HMGN3: variants seen among roughly 807,000 people sequenced by gnomAD.
HMGN3 encodes high mobility group nucleosome-binding domain-containing protein 3.
HMGN3 carries 6 observed loss-of-function variants against 18.8 expected under a neutral mutation model. The ratio of observed to expected loss-of-function variants is 0.32; its 90% CI spans 0.18 to 0.63. The LOEUF is 0.63. Ranked by LOEUF, HMGN3 falls within the 30% of genes least tolerant of loss-of-function variation. The pLI, the probability that HMGN3 is intolerant of heterozygous loss-of-function variation, is 0.79. For synonymous variants in HMGN3, 40 were observed against 36.5 expected, an observed-to-expected ratio of 1.10 and a Z score of -0.35; for missense variants, 107 against 114.2, an observed-to-expected ratio of 0.94 and a Z score of 0.29.
rs117215160 is a variant in HMGN3, at chr6:79,234,529, T to A, written c.15+17A>T. On this transcript the variant is annotated intron_variant, in intron 1 of 5. Coordinates refer to ENST00000344726, the Ensembl canonical transcript of HMGN3. ...AGAATTTGAAGGCTTTTGAAATCTT[T>A]TTTTGGTAAGACTTACCTTTCTCTT... 6.2e-7 allele frequency: 1 copy of A among 1,610,654 alleles called. No individual in the cohort carries two copies.
chr6:79,204,353 C>G (rs1776296191), intron 3 of HMGN3, among the ~76,000 whole-genome samples: 1 of 152,114 alleles, frequency 6.6e-6, no homozygotes, highest in Non-Finnish European at 1.5e-5. Flanking sequence ...TTTCTCTTGC[C>G]TCATGTGGTC....
intron 1 of HMGN3, among the ~76,000 whole-genome samples, chr6:79,219,063 A>G (rs141678651): frequency 1.9e-4 from 29 of 152,298 alleles, no homozygotes; most frequent in African/African-American, 6.3e-4. Context: ...GAAGGCAAAG[A>G]CATAATGACT....
chr6:79,219,002 T>C (rs191600630), intron 1 of HMGN3, among the ~76,000 whole-genome samples: 109 of 152,156 alleles, frequency 7.2e-4, no homozygotes, highest in African/African-American at 2.6e-3. Flanking sequence ...ATTGAGAAGC[T>C]CCACAACTAT....
chr6:79,220,797 T>C (rs1777244576), intron 1 of HMGN3, among the ~76,000 whole-genome samples: 1 of 152,168 alleles, frequency 6.6e-6, no homozygotes, highest in Non-Finnish European at 1.5e-5. Context: ...GATGGATGGA[T>C]GGATGTGTCA....
intron 3 of HMGN3, among the ~76,000 whole-genome samples, chr6:79,206,883 A>AT (rs1440549763): frequency 6.6e-6 from 1 of 152,250 alleles, no homozygotes; most frequent in Non-Finnish European, 1.5e-5. Flanking sequence ...CACGTCCTGC[A>AT]TCAGCGTGAC....
In HMGN3 at chr6:79,229,415, G is replaced by T. The variant is rs557392075; in HGVS notation, c.15+5131C>A. On this transcript the variant is annotated intron_variant, in intron 1 of 5. Transcript: ENST00000344726. ...ACATTTCACATATGATACACATTATGCTAGTAAACACGTGAAAAGATGCTT... is the reference window on the plus strand; with the variant it reads ...ACATTTCACATATGATACACATTATTCTAGTAAACACGTGAAAAGATGCTT... Among the ~76,000 whole-genome samples, 6 of 152,250 alleles carry T rather than the reference G, an allele frequency of 3.9e-5. No homozygotes were observed. The South Asian group carries it at 1.2e-3, about 32-fold the overall frequency.
In HMGN3 at chr6:79,218,219, G is replaced by A. The variant is rs116100060; in HGVS notation, c.16-3197C>T. Among the ~76,000 whole-genome samples, 453 of 152,276 alleles carry A rather than the reference G, an allele frequency of 3.0e-3. 1 individual carries two copies. The highest frequency in any genetic ancestry group is 0.01 in the Middle Eastern group (3 of 294). ...GGCACACCCCAAGAAGGAAAACAAT[G>A]GGGAGTGGGGAGGGAAGGAATGCTT... is the stretch of plus-strand genomic sequence containing the variant. On this transcript the variant is annotated intron_variant, in intron 1 of 5. Transcript: ENST00000344726.
chr6:79,220,510 G>A (rs1777221688), intron 1 of HMGN3, among the ~76,000 whole-genome samples: 1 of 152,148 alleles, frequency 6.6e-6, no homozygotes, highest in Non-Finnish European at 1.5e-5. Context: ...GCAATGGCGC[G>A]ATCTCGGCTC....
intron 1 of HMGN3, among the ~76,000 whole-genome samples, chr6:79,215,685 A>T (rs1248049697): frequency 6.6e-6 from 1 of 152,182 alleles, no homozygotes; most frequent in African/African-American, 2.4e-5. Flanking sequence ...CTCAAACCTG[A>T]TTCCTTTAAA....
intron 3 of HMGN3, among the ~76,000 whole-genome samples, chr6:79,206,282 C>G (rs559466107): frequency 1.2e-4 from 19 of 152,274 alleles, no homozygotes; most frequent in African/African-American, 4.6e-4. Context: ...CGTGACAGAC[C>G]TTTGCAGCAG....
intron 3 of HMGN3, 71 bp from the exon 4 acceptor site, chr6:79,203,701 A>G (rs1157590333): frequency 8.5e-7 from 1 of 1,174,214 alleles, no homozygotes; most frequent in East Asian, 2.4e-5. Flanking sequence ...AGAAACACAA[A>G]AGGACTAACA....
At chr6:79,222,416 C>A (rs755533173) in intron 1 of HMGN3, among the ~76,000 whole-genome samples, 14 of 151,944 alleles carry the variant, frequency 9.2e-5, no homozygotes, top group Non-Finnish European at 1.6e-4. Flanking sequence ...CGCTCTTCAG[C>A]TAAAATGAAC....
intron 1 of HMGN3, among the ~76,000 whole-genome samples, chr6:79,220,507 C>T (rs938368497): frequency 9.2e-5 from 14 of 152,140 alleles, no homozygotes; most frequent in South Asian, 2.1e-4. Flanking sequence ...AGTGCAATGG[C>T]GCGATCTCGG....
intron 1 of HMGN3, among the ~76,000 whole-genome samples, chr6:79,227,237 T>C (rs1777605332): frequency 6.6e-6 from 1 of 152,212 alleles, no homozygotes; most frequent in African/African-American, 2.4e-5. Flanking sequence ...AATTTTAACA[T>C]TATATGAAGA....
chr6:79,205,967 A>G (rs1487471369), intron 3 of HMGN3, among the ~76,000 whole-genome samples: 11 of 152,306 alleles, frequency 7.2e-5, no homozygotes, highest in Admixed American at 5.2e-4. Context: ...GACTGGCAAC[A>G]TTTTGCCCCT....
At position 79,230,876 on chromosome 6, in the gene HMGN3, A is replaced by T. The variant is rs190950197; in HGVS notation, c.15+3670T>A. Among the ~76,000 whole-genome samples the T allele has an allele frequency of 1.1e-4, 16 of 152,278 alleles. No homozygotes were observed. In the East Asian group the frequency reaches 2.9e-3, roughly 28 times the overall value. Reference sequence around the variant, plus strand: ...TGTTTTTGGTGTTATGACAAGTAATATTCTTTTCAAAATTAACTATCACAA... The same window carrying T: ...TGTTTTTGGTGTTATGACAAGTAATTTTCTTTTCAAAATTAACTATCACAA... On this transcript the variant is annotated intron_variant, in intron 1 of 5. Coordinates refer to ENST00000344726, the Ensembl canonical transcript of HMGN3.
chr6:79,222,046 G>A (rs939998019), intron 1 of HMGN3, among the ~76,000 whole-genome samples: 1 of 152,080 alleles, frequency 6.6e-6, no homozygotes, highest in Non-Finnish European at 1.5e-5. Flanking sequence ...TTAGCTGAAG[G>A]CCTACAGTAA....
chr6:79,224,528 C>T lies in HMGN3; in HGVS notation c.16-9506G>A, dbSNP rs573040750. Among the ~76,000 whole-genome samples the T allele has an allele frequency of 1.6e-3, 248 of 152,236 alleles. 1 individual carries two copies. Among genetic ancestry groups the T allele is most frequent in the African/African-American group, 5.7e-3 (237 of 41,564 alleles). On this transcript the variant is annotated intron_variant, in intron 1 of 5. Transcript: ENST00000344726. ...TATTCTGGGTTTTTAAAAAGTCATA[C>T]GCACGGATCTGGTTGTTTTTATCTC... is the stretch of plus-strand genomic sequence containing the variant.
chr6:79,224,929 T>A (rs6905653), intron 1 of HMGN3, among the ~76,000 whole-genome samples: 2,266 of 152,318 alleles, frequency 0.015, 59 homozygotes, highest in African/African-American at 0.051. Flanking sequence ...ATCAGCTGGC[T>A]GTAATGTGAT....
Sources: gnomAD v4.1 joint callset for allele counts (sites outside exome capture counted in the v4.1 genomes callset) on GRCh38, gnomAD v4.1.1 for gene constraint, MANE v1.5 for transcripts, NCBI Gene and HGNC (gene_info 2026-07-23, HGNC 2026-07-21) for gene names.